GABBR1: variants seen among roughly 807,000 people sequenced by gnomAD.
The protein encoded by GABBR1 is GABA-B receptor, R1 subunit.
GABBR1 carries 35 observed loss-of-function variants against 117.7 expected under a neutral mutation model. The ratio of observed to expected loss-of-function variants is 0.30; its 90% CI spans 0.23 to 0.39. GABBR1 has a LOEUF of 0.39. Among genes scored for constraint, GABBR1 ranks in the 10% least tolerant of loss-of-function variants. The probability of loss-of-function intolerance (pLI) is 1.00; values close to 1 mark genes in which losing one functional copy is unlikely to be tolerated. For synonymous variants in GABBR1, 442 were observed against 486.6 expected, an observed-to-expected ratio of 0.91 and a Z score of 1.21; for missense variants, 709 against 1,241.8, an observed-to-expected ratio of 0.57 and a Z score of 6.45.
chr6:29,631,792 G>A lies in GABBR1; in HGVS notation c.86-193C>T, dbSNP rs1297048259. ...CCTGGCTAAAGGACAGAGAGTAAAG[G>A]GCCAGGGTTAAAGCTGATGAGAGAA... On this transcript the variant is annotated intron_variant, in intron 2 of 22. Coordinates refer to ENST00000377034, the MANE Select transcript of GABBR1 (RefSeq NM_001470.4). This position sits in a 1 kb window ranked among gnomAD's most constrained non-coding sequence, Gnocchi z 5.9. Among the ~76,000 whole-genome samples the A allele has an allele frequency of 1.3e-5, 2 of 152,088 alleles. No homozygotes were observed. Among genetic ancestry groups the A allele is most frequent in the African/African-American group, 4.8e-5 (2 of 41,404 alleles).
chr6:29,629,243 G>A (rs1387100462), intron 4 of GABBR1, 136 bp from the exon 5 acceptor site: 1 of 959,344 alleles, frequency 1.0e-6, no homozygotes, highest in Admixed American at 2.0e-5. Flanking sequence ...CTGAGGGGAG[G>A]GTGCCTGGGG....
At chr6:29,628,170 G>A in intron 5 of GABBR1, 1 of 512,366 alleles carries the variant, frequency 2.0e-6, no homozygotes. Context: ...CGAGGTGGGA[G>A]CGACAGTCGG....
chr6:29,621,684 G>C lies in GABBR1; in HGVS notation c.1131+68C>G. On this transcript the variant is annotated intron_variant, in intron 10 of 22. Coordinates refer to ENST00000377034, the MANE Select transcript of GABBR1 (RefSeq NM_001470.4). The surrounding 1 kb of genome is among the most constrained non-coding windows in gnomAD (Gnocchi z 5.0). ...ATCAACTCAGGCACAGATGCCAAGA[G>C]GAGGCCCCACAAGAAAACCAAGGGA... The C allele has an allele frequency of 7.4e-7, 1 of 1,342,664 alleles. No individual in the cohort carries two copies. Among genetic ancestry groups the C allele is most frequent in the Non-Finnish European group, 1.1e-6 (1 of 933,378 alleles). The allele number at this position is 1,342,664 out of a possible 1,614,324, so 83.2% of individuals were successfully genotyped here. A position where few individuals can be genotyped will look rare whatever the true frequency, so the allele number is the denominator to read the frequency against.
At position 29,603,170 on chromosome 6, in the gene GABBR1, G is replaced by C. The variant is rs1237318423; in HGVS notation, c.*373C>G. 2.1e-6 allele frequency: 1 copy of C among 483,532 alleles called. No individual in the cohort carries two copies. The highest frequency in any genetic ancestry group is 2.3e-5 in the Admixed American group (1 of 43,220). The allele number at this position is 483,532 out of a possible 1,614,324, so 30.0% of individuals were successfully genotyped here. The stretch of plus-strand genomic sequence containing the variant: ...GAGACCCCTGCTGGACAGGAACAGA[G>C]CACAAAGGCAGAGGAGCTGCAGGGG... On this transcript the variant is annotated 3_prime_UTR_variant, in exon 23 of 23. Transcript: ENST00000377034.
chr6:29,629,919 C>T lies in GABBR1; in HGVS notation c.475+539G>A, dbSNP rs1419882. On this transcript the variant is annotated intron_variant, in intron 4 of 22. Coordinates refer to ENST00000377034, the MANE Select transcript of GABBR1 (RefSeq NM_001470.4). ...GGACCTGTCTTCTTCCCACCCCATC[C>T]CTGAGTTGTTCTTCATCTTCTGATA... The T allele has an allele frequency of 8.7e-3, 1,336 of 153,286 alleles. 22 individuals are homozygous for T. The highest frequency in any genetic ancestry group is 0.012 in the Non-Finnish European group (849 of 68,854). 9.5% of individuals were successfully genotyped at this position (153,286 alleles called of 1,614,324 possible).
chr6:29,605,832 G>C lies in GABBR1; in HGVS notation c.2312-136C>G. 9.6e-7 allele frequency: 1 copy of C among 1,042,054 alleles called. No individual in the cohort carries two copies. The highest frequency in any genetic ancestry group is 1.6e-5 in the South Asian group (1 of 63,634). 64.6% of individuals were successfully genotyped at this position (1,042,054 alleles called of 1,614,324 possible). ...TCTCCAATCCAACCCCTCTGACCTAGCAAACCTCACCCTGTGTCCCCTATC... is the reference window on the plus strand; with the variant it reads ...TCTCCAATCCAACCCCTCTGACCTACCAAACCTCACCCTGTGTCCCCTATC... On this transcript the variant is annotated intron_variant, in intron 19 of 22. Transcript: ENST00000377034. The surrounding 1 kb of genome is among the most constrained non-coding windows in gnomAD (Gnocchi z 4.2).
chr6:29,612,576 T>A lies in GABBR1; in HGVS notation c.1605A>T (p.Ala535=). 1.2e-6 allele frequency: 2 copies of A among 1,613,934 alleles called. No homozygotes were observed. The highest frequency in any genetic ancestry group is 1.7e-6 in the Non-Finnish European group (2 of 1,179,988). The change falls in exon 13 of 23, where the codon GCA becomes GCT. Residue 535 remains alanine (A), a synonymous_variant. Transcript: ENST00000377034. ...VVFDASGSRM[A]WTLIEQLQGG... ...CCTGAAGCTGCTCGATAAGCGTCCA[T>A]GCCATCCGAGAGCCGCTGGCATCAA...
chr6:29,628,262 C>A (rs1764572037), intron 5 of GABBR1: 1 of 878,682 alleles, frequency 1.1e-6, no homozygotes, highest in African/African-American at 1.9e-5. Context: ...TTAAGGGGAC[C>A]CGAGGGGAGG....
In GABBR1 at chr6:29,623,058, A is replaced by G. The variant is rs1432389296; in HGVS notation, c.963+247T>C. On this transcript the variant is annotated intron_variant, in intron 8 of 22. Coordinates refer to ENST00000377034, the MANE Select transcript of GABBR1 (RefSeq NM_001470.4). The surrounding 1 kb of genome is among the most constrained non-coding windows in gnomAD (Gnocchi z 6.2). ...AACAGAACTGAGTCATTCTGGGTCT[A>G]TATGTCTGGGGAACAGGGCATCAAA... Among the ~76,000 whole-genome samples, 6 of 152,046 alleles carry G rather than the reference A, an allele frequency of 3.9e-5. No homozygotes were observed. Among genetic ancestry groups the G allele is most frequent in the East Asian group, 1.9e-4 (1 of 5,172 alleles).
intron 6 of GABBR1, among the ~76,000 whole-genome samples, chr6:29,625,868 T>G (rs55888673): frequency 0.056 from 8,578 of 152,200 alleles, 345 homozygotes; most frequent in South Asian, 0.14. Context: ...TCTCTCTGAC[T>G]GTCCCAAGTC....
rs2127443415 is a variant in GABBR1 at position 29,627,266 on chromosome 6, T to C, written c.657+220A>G. On this transcript the variant is annotated intron_variant, in intron 6 of 22. Transcript: ENST00000377034. This position sits in a 1 kb window ranked among gnomAD's most constrained non-coding sequence, Gnocchi z 4.4. Reference sequence around the variant, plus strand: ...GGGCAGAAGGGTCTGCCTTGCAGCATGCTTAACCATCTTGAGCCCCTAGAC... The same window carrying C: ...GGGCAGAAGGGTCTGCCTTGCAGCACGCTTAACCATCTTGAGCCCCTAGAC... 6.6e-6 allele frequency among the ~76,000 whole-genome samples: 1 copy of C among 152,298 alleles called. No individual in the cohort carries two copies. The highest frequency in any genetic ancestry group is 2.1e-4 in the South Asian group (1 of 4,826).
chr6:29,621,723 T>C lies in GABBR1; in HGVS notation c.1131+29A>G, dbSNP rs761548429. 1.9e-6 allele frequency: 3 copies of C among 1,603,522 alleles called. No individual in the cohort carries two copies. The highest frequency in any genetic ancestry group is 3.3e-5 in the Admixed American group (2 of 59,980). On this transcript the variant is annotated intron_variant, in intron 10 of 22. Transcript: ENST00000377034. This position sits in a 1 kb window ranked among gnomAD's most constrained non-coding sequence, Gnocchi z 5.0. ...AAAACCAAGGGAAACTCCCACCCAG[T>C]GCCCCTCCCTCTTCAGATCCAACTC...
chr6:29,603,836 AGGAC>A, intron 22 of GABBR1, 120 bp from the exon 23 acceptor site: 1 of 623,032 alleles, frequency 1.6e-6, no homozygotes, highest in Non-Finnish European at 2.5e-6. Flanking sequence ...ATGTAGGGGG[AGGAC>A]GTAGGGTAAG....
chr6:29,615,193 G>A (rs576783770), intron 11 of GABBR1, among the ~76,000 whole-genome samples: 5 of 151,642 alleles, frequency 3.3e-5, no homozygotes, highest in Admixed American at 2.0e-4. Flanking sequence ...GCTGAGGGCT[G>A]AGGTGAGAAA....
In GABBR1 at chr6:29,613,427, G is replaced by A; in HGVS notation, c.1382C>T (p.Thr461Ile). Residue 461 changes from threonine to isoleucine, a missense_variant, in exon 12 of 23, where the codon ACA becomes ATA. This residue lies in a region of GABBR1 where 192 missense variants were observed against 418.4 expected (regional missense o/e 0.46). Transcript: ENST00000377034. This position sits in a 1 kb window ranked among gnomAD's most constrained non-coding sequence, Gnocchi z 4.1. ...CAGCGGTGCCTCCTGGAAGCCTCCTGTCTCCTCAGGGTGTCTTTTCAGTCG... is the reference window on the plus strand; with the variant it reads ...CAGCGGTGCCTCCTGGAAGCCTCCTATCTCCTCAGGGTGTCTTTTCAGTCG... ...TKRLKRHPEE[T>I]GGFQEAPLAY... 6.2e-7 allele frequency: 1 copy of A among 1,613,092 alleles called. No homozygotes were observed. Among genetic ancestry groups the A allele is most frequent in the Non-Finnish European group, 8.5e-7 (1 of 1,180,026 alleles).
At chr6:29,624,177 C>G in intron 6 of GABBR1, 153 bp from the exon 7 acceptor site, 2 of 757,782 alleles carry the variant, frequency 2.6e-6, no homozygotes, top group Non-Finnish European at 4.0e-6. Context: ...GGCATCTCTT[C>G]CTGTCAAGTG....
chr6:29,624,162 T>C (rs913504772), intron 6 of GABBR1, 138 bp from the exon 7 acceptor site: 4 of 878,522 alleles, frequency 4.6e-6, no homozygotes, highest in African/African-American at 1.7e-5. Flanking sequence ...TTTCTTCTCC[T>C]TTCTGGCATC....
chr6:29,603,776 G>A, intron 22 of GABBR1, 60 bp from the exon 23 acceptor site: 1 of 1,317,696 alleles, frequency 7.6e-7, no homozygotes, highest in Non-Finnish European at 9.9e-7. Context: ...GGAGTGGGGA[G>A]GAGGGAAAGA....
Position 29,603,476 on chromosome 6 carries a change from C to CT in GABBR1, c.*66dup. Reference sequence around the variant, plus strand: ...GCTGGGGATGGGGACCCCCTGCTTCCTGAGTCCCCTGCCCTTCCCCTCTCC... The same window carrying CT: ...GCTGGGGATGGGGACCCCCTGCTTCCTTGAGTCCCCTGCCCTTCCCCTCTCC... On this transcript the variant is annotated 3_prime_UTR_variant, in exon 23 of 23. Coordinates refer to ENST00000377034, the MANE Select transcript of GABBR1 (RefSeq NM_001470.4). 2.8e-6 allele frequency: 4 copies of CT among 1,412,520 alleles called. 1 individual carries two copies. In the South Asian group the frequency reaches 5.0e-5, roughly 18 times the overall value. The allele number at this position is 1,412,520 out of a possible 1,614,324, so 87.5% of individuals were successfully genotyped here.
Sources: gnomAD v4.1 joint callset for allele counts (sites outside exome capture counted in the v4.1 genomes callset) on GRCh38, gnomAD v4.1.1 for gene constraint, gnomAD v4.1.1 regional missense constraint, Gnocchi (gnomAD v3.1) non-coding constraint, MANE v1.5 for transcripts, NCBI Gene and HGNC (gene_info 2026-07-23, HGNC 2026-07-21) for gene names.